Variants in ZNF124 observed in about 807,000 individuals in gnomAD.
ZNF124 encodes the protein zinc finger protein HZF-16.
Under a neutral mutation model 26.6 loss-of-function variants are expected in ZNF124, and 25 were observed. The observed-to-expected ratio is 0.94, with a 90% CI of 0.68 to 1.31. The LOEUF is 1.31. Among genes scored for constraint, ZNF124 ranks in the 40% most tolerant of loss-of-function variants. The pLI is 0.00. For missense variants in ZNF124, 444 were observed against 422.2 expected (o/e 1.05, Z -0.45); for synonymous variants, 129 against 133.3 (o/e 0.97, Z 0.22).
downstream of ZNF124, among the ~76,000 whole-genome samples, chr1:247,151,420 A>T (rs1164647856): frequency 6.7e-6 from 1 of 149,094 alleles, no homozygotes; most frequent in Non-Finnish European, 1.5e-5. Flanking sequence ...CGGAGCTTGC[A>T]GGGAGCCGAG....
intron 3 of ZNF124, among the ~76,000 whole-genome samples, chr1:247,128,470 G>T (rs994173088): frequency 1.4e-5 from 2 of 145,612 alleles, no homozygotes; most frequent in African/African-American, 5.1e-5. Flanking sequence ...TCAGCTGTTG[G>T]GTCCTCTTCT....
Position 247,157,023 on chromosome 1 carries a change from T to C in ZNF124, c.599A>G (p.His200Arg). 2.5e-6 allele frequency: 4 copies of C among 1,614,146 alleles called. No individual in the cohort carries two copies. The highest frequency in any genetic ancestry group is 3.4e-6 in the Non-Finnish European group (4 of 1,179,986). Residue 200 changes from histidine to arginine, a missense_variant, in exon 4 of 4, where the codon CAT (histidine) becomes CGT (arginine). His to Arg is a conservative substitution (Grantham distance 29). Transcript: ENST00000543802. ...ACATTCATAGGGTTTCTCTCCAGTATGAGTTCTTTCATGGTCACGAAGGTG... is the reference window on the plus strand; with the variant it reads ...ACATTCATAGGGTTTCTCTCCAGTACGAGTTCTTTCATGGTCACGAAGGTG... The part of the protein sequence containing the change: ...SSHLRDHERT[H>R]TGEKPYECKH...
At chr1:247,134,648 A>G (rs970158685) in intron 3 of ZNF124, among the ~76,000 whole-genome samples, 9 of 152,236 alleles carry the variant, frequency 5.9e-5, no homozygotes, top group African/African-American at 1.2e-4. Flanking sequence ...CTCCTGTGTA[A>G]TAATAGTATG....
chr1:247,143,936 C>T lies in ZNF124; in HGVS notation c.218+15070G>A, dbSNP rs1572067466. 2.0e-5 allele frequency among the ~76,000 whole-genome samples: 3 copies of T among 149,682 alleles called. No homozygotes were observed. The East Asian group carries it at 5.8e-4, about 29-fold the overall frequency. ...CTCAGACAGCTAGGCAGTAAGCATGCATGCTCAATAAAACTCCACATCCAC... is the reference window on the plus strand; with the variant it reads ...CTCAGACAGCTAGGCAGTAAGCATGTATGCTCAATAAAACTCCACATCCAC... On this transcript the variant is annotated intron_variant, in intron 3 of 3. Transcript: ENST00000472531.
At chr1:247,141,467 G>T (rs1395467726) in intron 3 of ZNF124, among the ~76,000 whole-genome samples, 1 of 152,128 alleles carries the variant, frequency 6.6e-6, no homozygotes, top group Non-Finnish European at 1.5e-5. Context: ...CTCACAGGGA[G>T]AAAAGACTAG....
intron 3 of ZNF124, among the ~76,000 whole-genome samples, chr1:247,143,976 T>G (rs368534426): frequency 3.3e-5 from 5 of 150,220 alleles, no homozygotes; most frequent in East Asian, 3.9e-4. Context: ...CAGAGAGAGA[T>G]AGAACAATCC....
At chr1:247,145,818 AG>A (rs1162390847) in intron 3 of ZNF124, among the ~76,000 whole-genome samples, 2 of 152,034 alleles carry the variant, frequency 1.3e-5, no homozygotes, top group African/African-American at 2.4e-5. Flanking sequence ...TAGAAGAGAC[AG>A]GGTTTCACCA....
chr1:247,163,320 G>C (rs1191323271), intron 1 of ZNF124, among the ~76,000 whole-genome samples: 1 of 141,406 alleles, frequency 7.1e-6, no homozygotes, highest in Non-Finnish European at 1.5e-5. Flanking sequence ...TGAAGAGAGA[G>C]AGAAAAAAAA....
chr1:247,144,152 C>T (rs181456686), intron 3 of ZNF124, among the ~76,000 whole-genome samples: 45 of 152,266 alleles, frequency 3.0e-4, no homozygotes, highest in Admixed American at 2.9e-3. Context: ...TTATTAATGC[C>T]CTTCCATTCT....
chr1:247,127,910 A>G (rs1572054968), intron 3 of ZNF124, among the ~76,000 whole-genome samples: 1 of 151,966 alleles, frequency 6.6e-6, no homozygotes, highest in Non-Finnish European at 1.5e-5. Flanking sequence ...TCCTGCTACA[A>G]CTTCAGTCTA....
chr1:247,158,588 T>C (rs1276362185), intron 3 of ZNF124, among the ~76,000 whole-genome samples: 1 of 152,140 alleles, frequency 6.6e-6, no homozygotes, highest in Non-Finnish European at 1.5e-5. Context: ...GGTAAAAACT[T>C]TGAGAATAAA....
intron 3 of ZNF124, among the ~76,000 whole-genome samples, chr1:247,127,993 G>T (rs1391062246): frequency 6.6e-6 from 1 of 152,186 alleles, no homozygotes; most frequent in East Asian, 1.9e-4. Context: ...GGCAAGCAGG[G>T]TCTCAAATCC....
intron 3 of ZNF124, chr1:247,138,631 G>T: frequency 2.5e-6 from 1 of 397,360 alleles, no homozygotes. Flanking sequence ...AATTTAAAAT[G>T]AACAATTCTC....
intron 3 of ZNF124, among the ~76,000 whole-genome samples, chr1:247,136,482 A>C (rs562698585): frequency 1.5e-4 from 23 of 152,348 alleles, no homozygotes; most frequent in African/African-American, 5.0e-4. Flanking sequence ...ACCACTGCTC[A>C]AGGAAGTAAG....
intron 1 of ZNF124, among the ~76,000 whole-genome samples, chr1:247,164,034 C>CAA (rs1162132868): frequency 6.6e-6 from 1 of 151,648 alleles, no homozygotes; most frequent in East Asian, 1.9e-4. Context: ...AAACTAAAAA[C>CAA]AAAAAAACAA....
Position 247,130,454 on chromosome 1 carries a change from G to A in ZNF124, c.219-6583C>T, listed in dbSNP as rs78003891. ...TACTCACTAACAGAAGCTCACTAAA[G>A]CATCAGTTCCACCTTTGTGCCGAGC... On this transcript the variant is annotated intron_variant, in intron 3 of 3. Transcript: ENST00000472531. Among the ~76,000 whole-genome samples, 1,152 of 152,310 alleles carry A rather than the reference G, an allele frequency of 7.6e-3. 18 individuals are homozygous for A. Among genetic ancestry groups the A allele is most frequent in the African/African-American group, 0.025 (1,050 of 41,576 alleles).
chr1:247,154,842 A>G (rs1360313537), downstream of ZNF124, among the ~76,000 whole-genome samples: 1 of 152,224 alleles, frequency 6.6e-6, no homozygotes, highest in Non-Finnish European at 1.5e-5. Context: ...CTTATTTTAG[A>G]AAGTCAATTA....
At chr1:247,137,788 G>A (rs1454839470) in intron 3 of ZNF124, among the ~76,000 whole-genome samples, 3 of 152,268 alleles carry the variant, frequency 2.0e-5, no homozygotes, top group Admixed American at 6.5e-5. Context: ...TCATCAAAAA[G>A]TGGGCAAGGG....
intron 3 of ZNF124, chr1:247,149,710 G>C (rs1028923583): frequency 6.6e-5 from 10 of 152,186 alleles, no homozygotes; most frequent in Non-Finnish European, 1.3e-4. Context: ...TTGCTGAAAA[G>C]GTACAAACTT....
Sources: allele counts gnomAD v4.1 joint callset (sites outside exome capture counted in the v4.1 genomes callset), GRCh38; gene constraint gnomAD v4.1.1; transcripts MANE v1.5; gene names NCBI Gene and HGNC (gene_info 2026-07-23, HGNC 2026-07-21).